Variants in ZFR2 observed in about 807,000 individuals in gnomAD.
ZFR2 encodes the protein zinc finger RNA-binding protein 2.
Under a neutral mutation model 105.7 loss-of-function variants are expected in ZFR2, and 104 were observed. That is an observed-to-expected ratio of 0.98 (90% CI 0.84 to 1.16). The LOEUF is 1.16. Among genes scored for constraint, ZFR2 ranks in the 50% most tolerant of loss-of-function variants. The pLI, the probability that ZFR2 is intolerant of heterozygous loss-of-function variation, is 0.00. For missense variants in ZFR2, 1,425 were observed against 1,355.5 expected, an observed-to-expected ratio of 1.05 and a Z score of -0.80; for synonymous variants, 634 against 597.7, an observed-to-expected ratio of 1.06 and a Z score of -0.89.
Position 3,810,787 on chromosome 19 carries a change from C to T in ZFR2, c.2396G>A (p.Cys799Tyr). The change falls in exon 16 of 19, where the codon TGC becomes TAC. Residue 799 changes from cysteine to tyrosine, a missense_variant. Physicochemically the swap from Cys to Tyr is radical, Grantham distance 194. Transcript: ENST00000262961. ...VIVIRVLRDL[C>Y]RRVPTWGALP... ...GGCCCCCCAGGTGGGCACACGCCGG[C>T]AGAGGTCCCTCAGGACCCTGATGAC... 6.5e-7 allele frequency: 1 copy of T among 1,550,318 alleles called. No homozygotes were observed. The highest frequency in any genetic ancestry group is 8.7e-7 in the Non-Finnish European group (1 of 1,146,782).
In ZFR2 at chr19:3,813,680, G is replaced by A; in HGVS notation, c.2242+140C>T. ...CTTGTGTGACCCATGGAATCCTCAG[G>A]GGGACAGCAGTGCTGGAGCGTGGCT... is the stretch of plus-strand genomic sequence containing the variant. On this transcript the variant is annotated intron_variant, in intron 14 of 18. Coordinates refer to ENST00000262961, the MANE Select transcript of ZFR2 (RefSeq NM_015174.2). This position sits in a 1 kb window ranked among gnomAD's most constrained non-coding sequence, Gnocchi z 4.4. The A allele has an allele frequency of 8.0e-7, 1 of 1,244,226 alleles. No individual in the cohort carries two copies. The highest frequency in any genetic ancestry group is 2.4e-5 in the East Asian group (1 of 42,458). 77.1% of individuals were successfully genotyped at this position (1,244,226 alleles called of 1,614,324 possible). A position where few individuals can be genotyped will look rare whatever the true frequency, so the allele number is the denominator to read the frequency against.
At chr19:3,843,854 A>G (rs1011154941) in intron 1 of ZFR2, among the ~76,000 whole-genome samples, 1 of 151,840 alleles carries the variant, frequency 6.6e-6, no homozygotes, top group Non-Finnish European at 1.5e-5. Flanking sequence ...AAAAGAAAGA[A>G]AGAAAAAAAA....
chr19:3,839,917 G>T (rs1019538035), intron 1 of ZFR2, among the ~76,000 whole-genome samples: 2 of 151,798 alleles, frequency 1.3e-5, no homozygotes, highest in Admixed American at 1.3e-4. Context: ...GCAATGGCGC[G>T]ATCACAGTTC....
At chr19:3,822,339 G>C in intron 8 of ZFR2, 139 bp from the exon 9 acceptor site, 3 of 1,381,130 alleles carry the variant, frequency 2.2e-6, no homozygotes, top group Non-Finnish European at 2.9e-6. Context: ...ACAGCGTCTT[G>C]CTGTGTCACC....
chr19:3,820,189 G>A lies in ZFR2; in HGVS notation c.1733C>T (p.Pro578Leu). 6.4e-7 allele frequency: 1 copy of A among 1,552,466 alleles called. No individual in the cohort carries two copies. Among genetic ancestry groups the A allele is most frequent in the Non-Finnish European group, 8.7e-7 (1 of 1,147,726 alleles). ...MGRPESPASA[P>L]LQPGRRPASS... ...AGAGGAAACTGTACCTACCTGGAGT[G>A]GGGCGCTGGCGGGTGACTCCGGCCT... Residue 578 changes from proline to leucine, a missense_variant, in exon 11 of 19, where the codon CCA becomes CTA. Pro to Leu is a moderately conservative substitution (Grantham distance 98). Coordinates refer to ENST00000262961, the MANE Select transcript of ZFR2 (RefSeq NM_015174.2).
rs1392556977 is a variant in ZFR2, at chr19:3,858,288, C to T, written c.53+10677G>A. 6.6e-6 allele frequency among the ~76,000 whole-genome samples: 1 copy of T among 152,132 alleles called. No individual in the cohort carries two copies. Among genetic ancestry groups the T allele is most frequent in the South Asian group, 2.1e-4 (1 of 4,828 alleles). On this transcript the variant is annotated intron_variant, in intron 1 of 18. Transcript: ENST00000262961. This position sits in a 1 kb window ranked among gnomAD's most constrained non-coding sequence, Gnocchi z 4.3. ...AGGTGTGGTCCACACTTCAGAGGGA[C>T]ACGGGTGGGATCTGCAGATAGAGGC...
intron 1 of ZFR2, among the ~76,000 whole-genome samples, chr19:3,836,322 T>G (rs1385390843): frequency 3.9e-5 from 6 of 152,112 alleles, no homozygotes; most frequent in African/African-American, 1.4e-4. Flanking sequence ...TATTTTCTCT[T>G]TAAAAAAAAA....
rs571180916 is a variant in ZFR2, at chr19:3,805,966, C to T, written c.2803G>A (p.Gly935Arg). The T allele has an allele frequency of 1.8e-5, 27 of 1,537,226 alleles. No homozygotes were observed. Among genetic ancestry groups the T allele is most frequent in the South Asian group, 7.2e-5 (6 of 83,674 alleles). Residue 935 changes from glycine (G) to arginine (R), a missense_variant, in exon 19 of 19, where the codon GGA (glycine) becomes AGA (arginine). Physicochemically the swap from Gly to Arg is moderately radical, Grantham distance 125 (BLOSUM62 -2). Transcript: ENST00000262961. ...TAGGCGGCTCACACGAGCCCCTCTC[C>T]GCCCCGCCGGCCCCGCTTCTTCTCC... is the stretch of plus-strand genomic sequence containing the variant. ...AGEKKRGRRG[G>R]EGLV
chr19:3,822,008 C>A, intron 9 of ZFR2, 73 bp downstream of exon 9: 1 of 1,514,702 alleles, frequency 6.6e-7, no homozygotes, highest in South Asian at 1.2e-5. Context: ...GAGGCCCGAC[C>A]ACAGGCCTCC....
At chr19:3,866,774 C>G (rs1003348519) in intron 1 of ZFR2, among the ~76,000 whole-genome samples, 1 of 152,058 alleles carries the variant, frequency 6.6e-6, no homozygotes. Flanking sequence ...CAAGTCCAGC[C>G]GCTTTAACTG....
chr19:3,857,127 G>A (rs1032836131), intron 1 of ZFR2: 8 of 111,644 alleles, frequency 7.2e-5, no homozygotes, highest in South Asian at 2.9e-4. Flanking sequence ...TCACTCTATC[G>A]CCCAGGCTGG....
At position 3,834,841 on chromosome 19, in the gene ZFR2, G is replaced by A. The variant is rs375002235; in HGVS notation, c.196C>T (p.Gln66Ter). 6.2e-7 allele frequency: 1 copy of A among 1,612,096 alleles called. No homozygotes were observed. The highest frequency in any genetic ancestry group is 1.3e-5 in the African/African-American group (1 of 74,940). Residue 66 changes from glutamine (Q) to a stop codon, truncating the protein, a stop_gained, in exon 2 of 19, where the codon CAG becomes TAG. Coordinates refer to ENST00000262961, the MANE Select transcript of ZFR2 (RefSeq NM_015174.2). LOFTEE classifies it high-confidence loss of function. This position sits in a 1 kb window ranked among gnomAD's most constrained non-coding sequence, Gnocchi z 5.3. ...GYGGYQPHSG[Q>*]DFAYGSRPQE... ...GGTCGGCTGCCGTAGGCGAAGTCCT[G>A]GCCGGAGTGGGGCTGGTATCCACCG... is the stretch of plus-strand genomic sequence containing the variant.
At chr19:3,861,836 G>A (rs1350812084) in intron 1 of ZFR2, among the ~76,000 whole-genome samples, 1 of 152,112 alleles carries the variant, frequency 6.6e-6, no homozygotes, top group Non-Finnish European at 1.5e-5. Context: ...TGAGGCAGGA[G>A]GATTGCTTAA....
rs1339816414 is a variant in ZFR2 at position 3,858,623 on chromosome 19, G to A, written c.53+10342C>T. On this transcript the variant is annotated intron_variant, in intron 1 of 18. Coordinates refer to ENST00000262961, the MANE Select transcript of ZFR2 (RefSeq NM_015174.2). This position sits in a 1 kb window ranked among gnomAD's most constrained non-coding sequence, Gnocchi z 4.3. ...ACCTGAGGTCAGGAGTTCAAGACCA[G>A]CCTGGACAACATGGTGAAACCCAGT... 1.3e-5 allele frequency among the ~76,000 whole-genome samples: 2 copies of A among 152,176 alleles called. No homozygotes were observed. Among genetic ancestry groups the A allele is most frequent in the African/African-American group, 4.8e-5 (2 of 41,426 alleles).
chr19:3,852,743 G>C, intron 1 of ZFR2: 1 of 633,124 alleles, frequency 1.6e-6, no homozygotes, highest in Non-Finnish European at 2.9e-6. Context: ...CAGCTCCTGG[G>C]AAGAACACCC....
chr19:3,809,666 C>T (rs944549702), intron 16 of ZFR2, among the ~76,000 whole-genome samples: 3 of 152,132 alleles, frequency 2.0e-5, no homozygotes, highest in East Asian at 1.9e-4. Context: ...GTGAAAGGTC[C>T]GGCGCGGTGG....
intron 10 of ZFR2, 119 bp downstream of exon 10, chr19:3,821,221 C>A: frequency 7.4e-7 from 1 of 1,345,104 alleles, no homozygotes. Flanking sequence ...CCCGTCTCCC[C>A]CCACTGCTCG....
chr19:3,846,678 G>A (rs1193497601), intron 1 of ZFR2, among the ~76,000 whole-genome samples: 2 of 152,090 alleles, frequency 1.3e-5, no homozygotes, highest in African/African-American at 4.8e-5. Flanking sequence ...CTACATAAGC[G>A]GAATGTGCTT....
Position 3,816,814 on chromosome 19 carries a change from C to T in ZFR2, c.1963G>A (p.Gly655Ser), listed in dbSNP as rs2037829776. The change falls in exon 13 of 19, where the codon GGC (glycine) becomes AGC (serine). Residue 655 changes from glycine (G) to serine (S), a missense_variant. Physicochemically the swap from Gly to Ser is moderately conservative, Grantham distance 56 (BLOSUM62 0). Transcript: ENST00000262961. ...SVAPQTRVLK[G>S]VMRVGILAKG... The stretch of plus-strand genomic sequence containing the variant: ...GCCAGGATGCCTACTCGCATGACGC[C>T]TTTCAGGACCCGAGTCTGGGGGGCA... 1.3e-6 allele frequency: 2 copies of T among 1,579,540 alleles called. No individual in the cohort carries two copies. The highest frequency in any genetic ancestry group is 1.7e-6 in the Non-Finnish European group (2 of 1,164,116).
Sources: gnomAD v4.1 joint callset for allele counts (sites outside exome capture counted in the v4.1 genomes callset) on GRCh38, gnomAD v4.1.1 for gene constraint, Gnocchi (gnomAD v3.1) non-coding constraint, MANE v1.5 for transcripts, NCBI Gene and HGNC (gene_info 2026-07-23, HGNC 2026-07-21) for gene names.